PAPPA2: variants seen among roughly 807,000 people sequenced by gnomAD.
PAPPA2 encodes pappalysin-2.
In PAPPA2, 86 loss-of-function variants were observed where a neutral mutation model predicts 176.4. The ratio of observed to expected loss-of-function variants is 0.49; its 90% CI spans 0.41 to 0.58. The LOEUF (loss-of-function observed/expected upper bound fraction) is 0.58. PAPPA2 is among the 20% of genes least tolerant of loss of function. The pLI is 0.00. For missense variants in PAPPA2, 2,073 were observed against 2,256.9 expected (o/e 0.92, Z 1.65); for synonymous variants, 809 against 852.2 (o/e 0.95, Z 0.88).
chr1:176,731,698 C>T (rs996580373), intron 12 of PAPPA2, among the ~76,000 whole-genome samples: 2 of 151,352 alleles, frequency 1.3e-5, no homozygotes, highest in African/African-American at 2.4e-5. Context: ...TATATGTGTA[C>T]ATATATGTGT....
intron 4 of PAPPA2, among the ~76,000 whole-genome samples, chr1:176,682,856 A>G (rs1233175528): frequency 6.6e-6 from 1 of 152,050 alleles, no homozygotes; most frequent in Non-Finnish European, 1.5e-5. Context: ...TGAGGAGCAG[A>G]GTTTCACCAG....
rs773948417 is a variant in PAPPA2, at chr1:176,577,771, C to CT, written c.920-16752dup. Among the ~76,000 whole-genome samples the CT allele has an allele frequency of 2.2e-4, 33 of 152,124 alleles. 1 individual carries two copies. The highest frequency in any genetic ancestry group is 1.0e-4 in the Non-Finnish European group (7 of 68,026). ...GGCTGCACGTACATGTGTGGGACGG[C>CT]TACAGGCATAACATCCTGAGAGGGA... On this transcript the variant is annotated intron_variant, in intron 2 of 22. Transcript: ENST00000367662.
At chr1:176,482,064 C>A (rs1158498755) in intron 1 of PAPPA2, among the ~76,000 whole-genome samples, 1 of 152,104 alleles carries the variant, frequency 6.6e-6, no homozygotes, top group African/African-American at 2.4e-5. Context: ...TAATTAATAC[C>A]AAAACAAAGA....
intron 4 of PAPPA2, 55 bp from the exon 5 acceptor site, chr1:176,690,082 A>G (rs141958077): frequency 3.5e-6 from 5 of 1,427,418 alleles, no homozygotes; most frequent in Admixed American, 2.0e-5. Context: ...ATAATTAAGG[A>G]TTGGAGAGCT....
At chr1:176,661,931 T>C (rs1658381112) in intron 3 of PAPPA2, among the ~76,000 whole-genome samples, 1 of 152,192 alleles carries the variant, frequency 6.6e-6, no homozygotes, top group African/African-American at 2.4e-5. Context: ...TCCTTTGTTT[T>C]TGCATGTAAT....
chr1:176,713,455 A>T (rs1661232541), intron 12 of PAPPA2, among the ~76,000 whole-genome samples: 1 of 152,176 alleles, frequency 6.6e-6, no homozygotes, highest in African/African-American at 2.4e-5. Flanking sequence ...AACTGCTTTC[A>T]TGAGACACAG....
Position 176,791,479 on chromosome 1 carries a change from A to T in PAPPA2, c.5017A>T (p.Ile1673Phe). 1 of 1,613,450 alleles carries T rather than the reference A, an allele frequency of 6.2e-7. No individual in the cohort carries two copies. The highest frequency in any genetic ancestry group is 8.5e-7 in the Non-Finnish European group (1 of 1,179,536). The change falls in exon 19 of 23, where the codon ATT becomes TTT. Residue 1673 changes from isoleucine (I) to phenylalanine (F), a missense_variant. Coordinates refer to ENST00000367662, the MANE Select transcript of PAPPA2 (RefSeq NM_020318.3). ...VEYKCEQGYG[I>F]GAVCSPLCVI... ...GTACAAATGTGAACAAGGATATGGG[A>T]TTGGTAAGGATAGGAGTGAATCTTA...
chr1:176,607,255 A>G (rs1394839092), intron 3 of PAPPA2, among the ~76,000 whole-genome samples: 1 of 152,106 alleles, frequency 6.6e-6, no homozygotes, highest in Non-Finnish European at 1.5e-5. Context: ...AAAATATATA[A>G]TGCATTGTTG....
intron 4 of PAPPA2, among the ~76,000 whole-genome samples, chr1:176,685,084 C>CTT (rs71644479): frequency 1.4e-5 from 2 of 144,528 alleles, no homozygotes; most frequent in African/African-American, 2.5e-5. Context: ...CCCCACCTTC[C>CTT]TTTTTTTTTT....
chr1:176,803,721 A>G (rs79643400), intron 21 of PAPPA2, among the ~76,000 whole-genome samples: 2,177 of 152,258 alleles, frequency 0.014, 22 homozygotes, highest in Middle Eastern at 0.031. Context: ...TCTATTGCTA[A>G]TACAGGGTTC....
intron 3 of PAPPA2, among the ~76,000 whole-genome samples, chr1:176,598,718 A>G (rs1654118230): frequency 6.6e-6 from 1 of 151,990 alleles, no homozygotes; most frequent in East Asian, 1.9e-4. Flanking sequence ...CTTCTTCTTC[A>G]CCCTTAAAAA....
At chr1:176,785,401 A>G (rs1193785165) in intron 17 of PAPPA2, among the ~76,000 whole-genome samples, 5 of 152,134 alleles carry the variant, frequency 3.3e-5, no homozygotes, top group African/African-American at 1.2e-4. Context: ...TGGTTGTCTG[A>G]TGTAGAGAGA....
chr1:176,816,568 T>G (rs1666414325), intron 21 of PAPPA2, among the ~76,000 whole-genome samples: 1 of 151,996 alleles, frequency 6.6e-6, no homozygotes, highest in Non-Finnish European at 1.5e-5. Context: ...TGTTGTTGAC[T>G]TATTTATCAG....
At position 176,646,293 on chromosome 1, in the gene PAPPA2, G is replaced by T. The variant is rs564345400; in HGVS notation, c.1992-24677G>T. The stretch of plus-strand genomic sequence containing the variant: ...TTTAATTTTTGTGGGTACATAGTAG[G>T]TGTATATATTTATGAGGTACATGAG... On this transcript the variant is annotated intron_variant, in intron 3 of 22. Transcript: ENST00000367662. Among the ~76,000 whole-genome samples, 9 of 151,118 alleles carry T rather than the reference G, an allele frequency of 6.0e-5. No homozygotes were observed. In the East Asian group the frequency reaches 1.8e-3, roughly 29 times the overall value.
chr1:176,532,663 G>A lies in PAPPA2; in HGVS notation c.-916-22744G>A, dbSNP rs534427043. On this transcript the variant is annotated intron_variant, in intron 1 of 22. Transcript: ENST00000367662. Reference sequence around the variant, plus strand: ...CCAGCTTCCTGTCCCCACATGGTGTGGGTCAACGCAGCATCACTCTCTCAC... The same window carrying A: ...CCAGCTTCCTGTCCCCACATGGTGTAGGTCAACGCAGCATCACTCTCTCAC... Among the ~76,000 whole-genome samples the A allele has an allele frequency of 4.6e-5, 7 of 152,262 alleles. No homozygotes were observed. The East Asian group carries it at 1.4e-3, about 29-fold the overall frequency.
intron 3 of PAPPA2, among the ~76,000 whole-genome samples, chr1:176,608,830 G>A (rs373647498): frequency 4.6e-5 from 7 of 152,268 alleles, no homozygotes; most frequent in African/African-American, 1.7e-4. Context: ...TGTGGAGTCT[G>A]AAGATATCCT....
intron 12 of PAPPA2, among the ~76,000 whole-genome samples, chr1:176,717,664 G>A (rs996754761): frequency 1.3e-5 from 2 of 152,224 alleles, no homozygotes; most frequent in Non-Finnish European, 2.9e-5. Context: ...TTGGGGGCTT[G>A]CCTGCCCTGC....
chr1:176,608,012 A>T (rs959618085), intron 3 of PAPPA2, among the ~76,000 whole-genome samples: 2 of 152,192 alleles, frequency 1.3e-5, no homozygotes, highest in African/African-American at 2.4e-5. Context: ...GAAACTGGGG[A>T]TATCTGAACA....
intron 21 of PAPPA2, among the ~76,000 whole-genome samples, chr1:176,835,102 A>G (rs1411446384): frequency 6.6e-6 from 1 of 152,194 alleles, no homozygotes; most frequent in East Asian, 1.9e-4. Context: ...AAAGGTGCCA[A>G]AAGAACTTAA....
Sources: gnomAD v4.1 joint callset for allele counts (sites outside exome capture counted in the v4.1 genomes callset) on GRCh38, gnomAD v4.1.1 for gene constraint, MANE v1.5 for transcripts, NCBI Gene and HGNC (gene_info 2026-07-23, HGNC 2026-07-21) for gene names.